The following EPHA10 variants were observed in gnomAD, a reference collection of about 807,000 sequenced individuals.
EPHA10 encodes the protein ephrin type-A receptor 10.
Under a neutral mutation model 109.7 loss-of-function variants are expected in EPHA10, and 120 were observed. That is an observed-to-expected ratio of 1.09 (90% CI 0.94 to 1.27). EPHA10 has a LOEUF of 1.27. Ranked by LOEUF, EPHA10 falls within the 50% of genes most tolerant of loss-of-function variation. The pLI is 0.00. For synonymous variants in EPHA10, 640 were observed against 618.9 expected, an observed-to-expected ratio of 1.03 and a Z score of -0.51; for missense variants, 1,396 against 1,411.1, an observed-to-expected ratio of 0.99 and a Z score of 0.17.
At position 37,717,107 on chromosome 1, in the gene EPHA10, C is replaced by G. The variant is rs751123654; in HGVS notation, c.*1265G>C. 9.4e-5 allele frequency: 22 copies of G among 232,900 alleles called. No homozygotes were observed. Among genetic ancestry groups the G allele is most frequent in the Middle Eastern group, 1.2e-3 (1 of 806 alleles). 14.4% of individuals were successfully genotyped at this position (232,900 alleles called of 1,614,324 possible). On this transcript the variant is annotated 3_prime_UTR_variant, in exon 17 of 17. Transcript: ENST00000373048. The stretch of plus-strand genomic sequence containing the variant: ...CTAAACAAACTCAGTCCCTGTGGCC[C>G]TGCTGAGATCCAGCTGCCTTCCTGC...
intron 4 of EPHA10, among the ~76,000 whole-genome samples, chr1:37,753,695 CGGGAGCAGGG>C (rs1646364792): frequency 1.3e-5 from 1 of 76,202 alleles, no homozygotes; most frequent in Non-Finnish European, 2.9e-5. Context: ...CAGGGGCGAG[CGGGAGCAGGG>C]GTGAGTGGGA....
intron 6 of EPHA10, among the ~76,000 whole-genome samples, chr1:37,733,732 C>T (rs555359364): frequency 4.2e-4 from 64 of 152,244 alleles, no homozygotes; most frequent in Middle Eastern, 3.4e-3. Context: ...TTCCCCTTCT[C>T]ATTCCTCTCC....
At chr1:37,747,866 A>G (rs2148355516) in intron 5 of EPHA10, among the ~76,000 whole-genome samples, 1 of 152,310 alleles carries the variant, frequency 6.6e-6, no homozygotes, top group South Asian at 2.1e-4. Context: ...AACCAGTAAA[A>G]TTAACTTCTG....
chr1:37,715,404 C>T (rs570561044), downstream of EPHA10, among the ~76,000 whole-genome samples: 29 of 152,286 alleles, frequency 1.9e-4, 1 homozygote, highest in South Asian at 5.6e-3. Flanking sequence ...TCTCCCACTG[C>T]TCCCCTTCAT....
At position 37,718,784 on chromosome 1, in the gene EPHA10, G is replaced by A; in HGVS notation, c.2789C>T (p.Ser930Phe). 5 of 1,612,924 alleles carry A rather than the reference G, an allele frequency of 3.1e-6. No homozygotes were observed. Among genetic ancestry groups the A allele is most frequent in the African/African-American group, 1.3e-5 (1 of 75,082 alleles). Residue 930 changes from serine (S) to phenylalanine (F), a missense_variant, in exon 16 of 17, where the codon TCC becomes TTC. Transcript: ENST00000373048. ...PPTPLADRAF[S>F]TFPSFGSVGA... ...CACAGAGCCAAAGGAGGGGAAGGTG[G>A]AGAAGGCACGGTCCGCTAGTGGGGT...
chr1:37,749,672 C>CA (rs796069964), intron 5 of EPHA10, among the ~76,000 whole-genome samples: 1,487 of 102,246 alleles, frequency 0.015, 19 homozygotes, highest in African/African-American at 0.046. Flanking sequence ...GACTCCGTCT[C>CA]AAAAAAAAAA....
At chr1:37,729,540 T>C (rs906969165) in intron 7 of EPHA10, among the ~76,000 whole-genome samples, 2 of 151,872 alleles carry the variant, frequency 1.3e-5, no homozygotes, top group Admixed American at 6.6e-5. Context: ...CTGAGCAACA[T>C]AGCAAGATTC....
In EPHA10 at chr1:37,720,483, A is replaced by G. The variant is rs1446812948; in HGVS notation, c.2280T>C (p.Tyr760=). Residue 760 remains tyrosine (Y), a synonymous_variant, in exon 13 of 17, where the codon TAT becomes TAC. Transcript: ENST00000373048. ...LLPGLASAMK[Y]LSEMGYVHRG... Reference sequence around the variant, plus strand: ...GGTGAACGTAGCCCATCTCTGACAGATACTTCATGGCTGATGCCAGCCCAG... The same window carrying G: ...GGTGAACGTAGCCCATCTCTGACAGGTACTTCATGGCTGATGCCAGCCCAG... 1 of 1,613,514 alleles carries G rather than the reference A, an allele frequency of 6.2e-7. No homozygotes were observed. Among genetic ancestry groups the G allele is most frequent in the Admixed American group, 1.7e-5 (1 of 59,998 alleles).
Position 37,717,539 on chromosome 1 carries a change from G to A in EPHA10, c.*833C>T, listed in dbSNP as rs912424123. On this transcript the variant is annotated 3_prime_UTR_variant, in exon 17 of 17. Transcript: ENST00000373048. ...TCTCCTCTTCACCCTCCCCATGGCT[G>A]GAGAGAAAAGCTCTTGGGTCCCTGG... 8.6e-6 allele frequency: 2 copies of A among 231,376 alleles called. No homozygotes were observed. Among genetic ancestry groups the A allele is most frequent in the Non-Finnish European group, 1.7e-5 (2 of 116,922 alleles). The allele number at this position is 231,376 out of a possible 1,614,324, so 14.3% of individuals were successfully genotyped here. A position where few individuals can be genotyped will look rare whatever the true frequency, so the allele number is the denominator to read the frequency against.
At chr1:37,722,995 G>A (rs779775120) in intron 10 of EPHA10, 46 bp downstream of exon 10, 3 of 1,613,586 alleles carry the variant, frequency 1.9e-6, no homozygotes, top group South Asian at 1.1e-5. Flanking sequence ...TATAGAGTGG[G>A]TGAGGCTTCC....
At position 37,754,146 on chromosome 1, in the gene EPHA10, G is replaced by C; in HGVS notation, c.1006+69C>G. 1 of 1,249,336 alleles carries C rather than the reference G, an allele frequency of 8.0e-7. No individual in the cohort carries two copies. Among genetic ancestry groups the C allele is most frequent in the Non-Finnish European group, 1.0e-6 (1 of 989,084 alleles). 77.4% of individuals were successfully genotyped at this position (1,249,336 alleles called of 1,614,324 possible). ...GAGACCCTGCCCTCACCACCACCTG[G>C]ATCAGGCCTTCCTTCTTGGCCACTC... On this transcript the variant is annotated intron_variant, in intron 4 of 16. Coordinates refer to ENST00000373048, the MANE Select transcript of EPHA10 (RefSeq NM_001099439.2). This position sits in a 1 kb window ranked among gnomAD's most constrained non-coding sequence, Gnocchi z 4.5.
Position 37,731,497 on chromosome 1 carries a change from A to T in EPHA10, c.1577T>A (p.Val526Asp), listed in dbSNP as rs1645981857. Residue 526 changes from valine (V) to aspartate (D), a missense_variant, in exon 7 of 17, where the codon GTC becomes GAC. Physicochemically the swap from Val to Asp is radical, Grantham distance 152. Transcript: ENST00000373048. Reference protein sequence around the residue: ...VTNLKPATRYVFQIRAASPGP... With the variant: ...VTNLKPATRYDFQIRAASPGP... The stretch of plus-strand genomic sequence containing the variant: ...CGGGGAAGCGGCCCGGATCTGAAAG[A>T]CGTAGCGGGTAGCCGGCTTCAGGTT... 46 of 1,614,018 alleles carry T rather than the reference A, an allele frequency of 2.9e-5. No individual in the cohort carries two copies. Among genetic ancestry groups the T allele is most frequent in the Non-Finnish European group, 3.6e-5 (43 of 1,179,994 alleles).
chr1:37,720,158 G>A, intron 13 of EPHA10, 100 bp from the exon 14 acceptor site: 3 of 1,499,104 alleles, frequency 2.0e-6, no homozygotes, highest in Non-Finnish European at 2.7e-6. Flanking sequence ...CATCCTCCCA[G>A]GCAACCCCCA....
rs145800434 is a variant in EPHA10 at position 37,734,363 on chromosome 1, G to A, written c.1491+894C>T. ...AGCCTGGCCAACACGATGAAACCTC[G>A]TCTCTACTAAAAATACAAAAATGAG... On this transcript the variant is annotated intron_variant, in intron 6 of 16. Transcript: ENST00000373048. Among the ~76,000 whole-genome samples the A allele has an allele frequency of 1.9e-3, 287 of 152,070 alleles. 4 individuals carry two copies. The East Asian group carries it at 0.026, about 14-fold the overall frequency.
intron 4 of EPHA10, 28 bp from the exon 5 acceptor site, chr1:37,753,254 A>G (rs1646358376): frequency 4.9e-6 from 3 of 612,750 alleles, no homozygotes; most frequent in Admixed American, 3.1e-4. Context: ...CGGGGCGGTC[A>G]GGGCGGGGCG....
intron 5 of EPHA10, among the ~76,000 whole-genome samples, chr1:37,744,620 A>T (rs1646203840): frequency 6.6e-6 from 1 of 151,966 alleles, no homozygotes; most frequent in South Asian, 2.1e-4. Context: ...AGATTGCACC[A>T]CTGTACGCCA....
intron 5 of EPHA10, among the ~76,000 whole-genome samples, chr1:37,750,330 T>G (rs1225717062): frequency 6.6e-6 from 1 of 152,162 alleles, no homozygotes; most frequent in African/African-American, 2.4e-5. Flanking sequence ...AAAAGAATTT[T>G]TAAAGATGTA....
chr1:37,748,565 A>C (rs1646274621), intron 5 of EPHA10, among the ~76,000 whole-genome samples: 1 of 152,208 alleles, frequency 6.6e-6, no homozygotes, highest in African/African-American at 2.4e-5. Context: ...AACACATTAC[A>C]AAACACTAAT....
chr1:37,752,900 C>T lies in EPHA10; in HGVS notation c.1333G>A (p.Val445Ile). Residue 445 changes from valine to isoleucine, a missense_variant, in exon 5 of 17, where the codon GTC becomes ATC. Val to Ile is a conservative substitution (Grantham distance 29). Coordinates refer to ENST00000373048, the MANE Select transcript of EPHA10 (RefSeq NM_001099439.2). The stretch of plus-strand genomic sequence containing the variant: ...CCCCCGGGCCCGGTGGAGACGGTGA[C>T]CTGCGCGTAGGTGGTTCCCGCGGCG... ...AAAAGTTYAQ[V>I]TVSTGPGAPW... The T allele has an allele frequency of 7.6e-7, 1 of 1,307,538 alleles. No homozygotes were observed. The highest frequency in any genetic ancestry group is 2.2e-5 in the South Asian group (1 of 45,664). The allele number at this position is 1,307,538 out of a possible 1,614,324, so 81.0% of individuals were successfully genotyped here.
Sources: gnomAD v4.1 joint callset for allele counts (sites outside exome capture counted in the v4.1 genomes callset) on GRCh38, gnomAD v4.1.1 for gene constraint, Gnocchi (gnomAD v3.1) non-coding constraint, MANE v1.5 for transcripts, NCBI Gene and HGNC (gene_info 2026-07-23, HGNC 2026-07-21) for gene names.